Variants in ARHGEF10L observed in about 807,000 individuals in gnomAD.
The protein encoded by ARHGEF10L is Rho guanine nucleotide exchange factor 10 like, also known as rho guanine nucleotide exchange factor 10-like protein.
In ARHGEF10L, 69 loss-of-function variants were observed where a neutral mutation model predicts 141.2. The observed-to-expected ratio is 0.49, with a 90% CI of 0.40 to 0.60. The LOEUF (loss-of-function observed/expected upper bound fraction) is 0.60, where lower values mean the gene tolerates loss of function less well. Ranked by LOEUF, ARHGEF10L falls within the 20% of genes least tolerant of loss-of-function variation. The pLI is 0.00. For synonymous variants in ARHGEF10L, 711 were observed against 718.5 expected (o/e 0.99, Z 0.17); for missense variants, 1,482 against 1,734.3 (o/e 0.85, Z 2.58).
At chr1:17,687,827 C>G in intron 27 of ARHGEF10L, 80 bp downstream of exon 27, 1 of 1,425,922 alleles carries the variant, frequency 7.0e-7, no homozygotes, top group Non-Finnish European at 9.3e-7. Context: ...CCTGGGCAGC[C>G]CATCCCATTT....
rs148694422 is a variant in ARHGEF10L, at chr1:17,670,397, C to T, written c.3009+5802C>T. Among the ~76,000 whole-genome samples, 11 of 152,388 alleles carry T rather than the reference C, an allele frequency of 7.2e-5. No homozygotes were observed. In the East Asian group the frequency reaches 9.6e-4, roughly 13 times the overall value. ...CGCTCACCGGGGCCCGTGTCAACACCGCGTCCTCCGCGTTCATGATCTAGA... is the reference window on the plus strand; with the variant it reads ...CGCTCACCGGGGCCCGTGTCAACACTGCGTCCTCCGCGTTCATGATCTAGA... On this transcript the variant is annotated intron_variant, in intron 26 of 28. Transcript: ENST00000361221.
At chr1:17,534,558 G>T in the ARHGEF10L span, among the ~76,000 whole-genome samples, 1 of 150,940 alleles carries the variant, frequency 6.6e-6, no homozygotes, top group East Asian at 2.0e-4. Context: ...ATGGTGCCTG[G>T]CCAGCCACCA....
At position 17,632,275 on chromosome 1, in the gene ARHGEF10L, C is replaced by T. The variant is rs186224758; in HGVS notation, c.1585-46C>T. 1.5e-4 allele frequency: 249 copies of T among 1,606,542 alleles called. No homozygotes were observed. In the African/African-American group the frequency reaches 3.0e-3, roughly 19 times the overall value. On this transcript the variant is annotated intron_variant, in intron 15 of 28. Transcript: ENST00000361221. ...TTCTGGGTCTCCGGCGCGGTAAAGC[C>T]GCCGGGCCGCGATGCTGATGCTGAC...
intron 17 of ARHGEF10L, 84 bp from the exon 18 acceptor site, chr1:17,634,751 G>A: frequency 6.7e-7 from 1 of 1,482,322 alleles, no homozygotes. Context: ...TGGCTGAGCT[G>A]GTGTGGAGGA....
chr1:17,610,680 G>A (rs2059501689), intron 7 of ARHGEF10L, among the ~76,000 whole-genome samples: 1 of 152,224 alleles, frequency 6.6e-6, no homozygotes, highest in Non-Finnish European at 1.5e-5. Context: ...TATGTGCTGT[G>A]TGTGCTGTGG....
the ARHGEF10L span, among the ~76,000 whole-genome samples, chr1:17,532,876 T>G: frequency 6.6e-6 from 1 of 152,108 alleles, no homozygotes; most frequent in African/African-American, 2.4e-5. Flanking sequence ...ATTACAAGTG[T>G]GAGCTACTGC....
rs758908359 is a variant in ARHGEF10L at position 17,638,617 on chromosome 1, G to A, written c.2099G>A (p.Arg700Gln). 2.9e-5 allele frequency: 46 copies of A among 1,614,018 alleles called. No individual in the cohort carries two copies. Among genetic ancestry groups the A allele is most frequent in the South Asian group, 8.8e-5 (8 of 91,078 alleles). Residue 700 changes from arginine to glutamine, a missense_variant, in exon 20 of 29, where the codon CGG (arginine) becomes CAG (glutamine). Arg to Gln is a conservative substitution (Grantham distance 43, BLOSUM62 1). Transcript: ENST00000361221. ...TGCCTGGCCCTGCAGAGGCTGATGC[G>A]GGTGAAGGAGGAAGAGATCCACTCG... ...DWCLALQRLM[R>Q]VKEEEIHSAN...
At chr1:17,531,049 A>T in the ARHGEF10L span, among the ~76,000 whole-genome samples, 1 of 152,298 alleles carries the variant, frequency 6.6e-6, no homozygotes, top group East Asian at 1.9e-4. Flanking sequence ...AAAAGAAGGC[A>T]GCCATCCTAC....
intron 9 of ARHGEF10L, among the ~76,000 whole-genome samples, chr1:17,616,970 C>T (rs1006105982): frequency 1.3e-5 from 2 of 152,174 alleles, no homozygotes; most frequent in Non-Finnish European, 2.9e-5. Flanking sequence ...CTCACTTCAT[C>T]CTTATCCTCA....
chr1:17,674,988 C>T (rs536748702), intron 26 of ARHGEF10L, among the ~76,000 whole-genome samples: 76 of 152,128 alleles, frequency 5.0e-4, no homozygotes, highest in Non-Finnish European at 9.6e-4. Flanking sequence ...CGGCATTATT[C>T]CTGTCGTTAA....
chr1:17,571,625 C>T lies in ARHGEF10L; in HGVS notation c.-43-8928C>T, dbSNP rs1227136097. Among the ~76,000 whole-genome samples, 11 of 152,272 alleles carry T rather than the reference C, an allele frequency of 7.2e-5. No individual in the cohort carries two copies. The East Asian group carries it at 2.1e-3, about 29-fold the overall frequency. On this transcript the variant is annotated intron_variant, in intron 1 of 28. Coordinates refer to ENST00000361221, the MANE Select transcript of ARHGEF10L (RefSeq NM_018125.4). ...CTTGGCTCACTGCAACCTCTGCCTCCTGGGTTCAAGTGATTCTCCTGCCTC... is the reference window on the plus strand; with the variant it reads ...CTTGGCTCACTGCAACCTCTGCCTCTTGGGTTCAAGTGATTCTCCTGCCTC...
At chr1:17,649,318 C>T (rs774336005) in intron 22 of ARHGEF10L, among the ~76,000 whole-genome samples, 12 of 152,168 alleles carry the variant, frequency 7.9e-5, no homozygotes, top group Admixed American at 1.3e-4. Context: ...TCAGCCTTCA[C>T]GGGTTACCTG....
intron 26 of ARHGEF10L, among the ~76,000 whole-genome samples, chr1:17,667,995 C>T (rs575615257): frequency 1.1e-3 from 163 of 152,306 alleles, no homozygotes; most frequent in African/African-American, 3.8e-3. Flanking sequence ...AGCTATGCAA[C>T]CTTGCATAAG....
At chr1:17,648,820 G>A in intron 22 of ARHGEF10L, 145 bp downstream of exon 22, 3 of 1,283,054 alleles carry the variant, frequency 2.3e-6, no homozygotes, top group Non-Finnish European at 3.1e-6. Context: ...TGACAGATTT[G>A]GTCAAGCCTT....
In ARHGEF10L at chr1:17,603,623, T is replaced by C. The variant is rs775315195; in HGVS notation, c.433+32T>C. 18 of 1,566,066 alleles carry C rather than the reference T, an allele frequency of 1.1e-5. No homozygotes were observed. Among genetic ancestry groups the C allele is most frequent in the East Asian group, 2.4e-5 (1 of 42,398 alleles). ...TGTCTGCAGTGCTTCCCTGTTTCTC[T>C]TGGGGACAGGGGAGGGAGGCTGGGA... On this transcript the variant is annotated intron_variant, in intron 6 of 28. Coordinates refer to ENST00000361221, the MANE Select transcript of ARHGEF10L (RefSeq NM_018125.4). The surrounding 1 kb of genome is among the most constrained non-coding windows in gnomAD (Gnocchi z 4.8).
At chr1:17,600,097 C>T (rs1318027244) in intron 4 of ARHGEF10L, among the ~76,000 whole-genome samples, 3 of 152,222 alleles carry the variant, frequency 2.0e-5, no homozygotes, top group African/African-American at 7.2e-5. Context: ...CTGGCCCTGC[C>T]ACTCCCTGGC....
chr1:17,553,822 G>A (rs896253845), intron 1 of ARHGEF10L, among the ~76,000 whole-genome samples: 41 of 152,100 alleles, frequency 2.7e-4, no homozygotes, highest in African/African-American at 9.4e-4. Context: ...TAATAGCAGC[G>A]TATGATGACG....
chr1:17,522,614 T>G, the ARHGEF10L span, among the ~76,000 whole-genome samples: 1 of 151,974 alleles, frequency 6.6e-6, no homozygotes, highest in Admixed American at 6.6e-5. Flanking sequence ...GCTGCCTCCC[T>G]GGCTTTTGGC....
intron 28 of ARHGEF10L, 45 bp from the exon 29 acceptor site, chr1:17,696,801 TGC>T: frequency 1.3e-6 from 2 of 1,495,322 alleles, no homozygotes; most frequent in Middle Eastern, 1.8e-4. Context: ...CTTCCCTTAA[TGC>T]GCTGGGCCTT....
Sources: allele counts gnomAD v4.1 joint callset (sites outside exome capture counted in the v4.1 genomes callset), GRCh38; gene constraint gnomAD v4.1.1; non-coding constraint Gnocchi (gnomAD v3.1); transcripts MANE v1.5; gene names NCBI Gene and HGNC (gene_info 2026-07-23, HGNC 2026-07-21).